The following NPIPB2 variants were observed in gnomAD, a reference collection of about 807,000 sequenced individuals.
The protein encoded by NPIPB2 is nuclear pore complex interacting protein family member B2.
NPIPB2 carries 27 observed loss-of-function variants against 30.8 expected under a neutral mutation model. That is an observed-to-expected ratio of 0.88 (90% CI 0.65 to 1.21). NPIPB2 has a LOEUF of 1.21. NPIPB2 is among the 50% of genes most tolerant of loss of function. The pLI is 0.00. For missense variants in NPIPB2, 440 were observed against 446.2 expected (o/e 0.99, Z 0.13); for synonymous variants, 147 against 162.0 (o/e 0.91, Z 0.70).
At chr16:11,938,842 G>C (rs1402818191) in intron 1 of NPIPB2, among the ~76,000 whole-genome samples, 2 of 151,442 alleles carry the variant, frequency 1.3e-5, no homozygotes, top group African/African-American at 4.9e-5. Context: ...TCCGCCTCCC[G>C]GGTTCAAGCG....
At chr16:11,963,656 T>C (rs2055170824) in intron 1 of NPIPB2, among the ~76,000 whole-genome samples, 1 of 152,190 alleles carries the variant, frequency 6.6e-6, no homozygotes, top group African/African-American at 2.4e-5. Context: ...ATTAGGAGTT[T>C]GCCATTTCCT....
At chr16:11,933,864 G>C (rs2054827362) in exon 3 of NPIPB2, 1 of 1,571,940 alleles carries the variant, frequency 6.4e-7, no homozygotes, top group Non-Finnish European at 8.6e-7. Flanking sequence ...GCTCTCTGCT[G>C]TACATCTGTG....
chr16:11,963,550 T>C (rs1315150372), intron 1 of NPIPB2, among the ~76,000 whole-genome samples: 1 of 152,090 alleles, frequency 6.6e-6, no homozygotes, highest in African/African-American at 2.4e-5. Flanking sequence ...TATCCACCAC[T>C]CAGCTTAATA....
intron 1 of NPIPB2, chr16:11,967,536 G>C: frequency 2.5e-6 from 4 of 1,594,208 alleles, no homozygotes; most frequent in Non-Finnish European, 3.4e-6. Context: ...TCTCTGTGAA[G>C]TTTGGGTTAA....
rs1350930994 is a variant in NPIPB2, at chr16:11,934,619, G to T, written c.193-695C>A. On this transcript the variant is annotated intron_variant, in intron 2 of 7. Coordinates refer to ENST00000399147, the Ensembl canonical transcript of NPIPB2. ...CTCACGCCTGTAATCCCAGCACTTT[G>T]GGAGGCTGAGGTGGGTGAATCACAA... is the stretch of plus-strand genomic sequence containing the variant. Among the ~76,000 whole-genome samples, 3 of 151,626 alleles carry T rather than the reference G, an allele frequency of 2.0e-5. No individual in the cohort carries two copies. In the East Asian group the frequency reaches 5.8e-4, roughly 29 times the overall value.
Position 11,933,816 on chromosome 16 carries a change from G to C in NPIPB2, c.292+9C>G. 6.3e-7 allele frequency: 1 copy of C among 1,589,654 alleles called. No individual in the cohort carries two copies. ...TTTCCACACTATGGGGACTCCAACA[G>C]AGCCATACCTTCCTGTCTACGGCGG... On this transcript the variant is annotated intron_variant, in intron 3 of 7. Coordinates refer to ENST00000399147, the Ensembl canonical transcript of NPIPB2.
chr16:11,942,251 C>T, upstream of NPIPB2: 1 of 602,954 alleles, frequency 1.7e-6, no homozygotes, highest in Non-Finnish European at 2.9e-6. Flanking sequence ...TGTTTCTGAT[C>T]ATATAACTGT....
chr16:11,937,599 T>C (rs1596492434), exon 2 of NPIPB2: 3 of 1,599,554 alleles, frequency 1.9e-6, no homozygotes, highest in African/African-American at 1.3e-5. Flanking sequence ...AATGCAATAA[T>C]GATACGTAAC....
chr16:11,975,200 T>G (rs1372043934), intron 1 of NPIPB2, among the ~76,000 whole-genome samples: 148 of 80,374 alleles, frequency 1.8e-3, no homozygotes, highest in Admixed American at 3.0e-3. Flanking sequence ...CAGGCTGGAG[T>G]GCAGTGGCGG....
intron 1 of NPIPB2, among the ~76,000 whole-genome samples, chr16:11,959,778 A>T (rs978876472): frequency 1.3e-5 from 2 of 151,896 alleles, no homozygotes; most frequent in Admixed American, 6.6e-5. Context: ...TTATTTTTTT[A>T]AATTTTATTT....
chr16:11,932,691 G>A (rs1322759836), intron 4 of NPIPB2, among the ~76,000 whole-genome samples: 8 of 116,702 alleles, frequency 6.9e-5, no homozygotes, highest in Non-Finnish European at 8.6e-5. Flanking sequence ...GATAAGAATC[G>A]CTTGAACCTG....
chr16:11,964,244 C>T (rs2055175957), intron 1 of NPIPB2, among the ~76,000 whole-genome samples: 1 of 151,976 alleles, frequency 6.6e-6, no homozygotes, highest in Admixed American at 6.6e-5. Flanking sequence ...ATCTGCTCAT[C>T]TGTATTTCTA....
At chr16:11,966,411 T>C (rs989095494) in intron 1 of NPIPB2, 2 of 1,488,108 alleles carry the variant, frequency 1.3e-6, no homozygotes, top group African/African-American at 2.8e-5. Context: ...GTTCCTTTTC[T>C]TTTTTTAGCG....
At chr16:11,961,267 A>T (rs2055150851) in intron 1 of NPIPB2, among the ~76,000 whole-genome samples, 2 of 152,106 alleles carry the variant, frequency 1.3e-5, no homozygotes, top group Admixed American at 1.3e-4. Context: ...GAGGGAGTGG[A>T]GCCTCCTGGG....
intron 1 of NPIPB2, among the ~76,000 whole-genome samples, chr16:11,960,843 G>A (rs748134918): frequency 1.3e-5 from 2 of 151,216 alleles, no homozygotes; most frequent in African/African-American, 2.4e-5. Context: ...TTGCTTGACT[G>A]TTATGGGAGA....
chr16:11,958,172 T>C (rs2055126232), intron 1 of NPIPB2, among the ~76,000 whole-genome samples: 2 of 152,126 alleles, frequency 1.3e-5, no homozygotes, highest in Admixed American at 6.6e-5. Context: ...ACTCCTGTAA[T>C]TCCAACACTT....
chr16:11,973,605 T>C (rs931997026), intron 1 of NPIPB2, among the ~76,000 whole-genome samples: 3 of 152,162 alleles, frequency 2.0e-5, no homozygotes, highest in South Asian at 2.1e-4. Flanking sequence ...TTTGTTCTTG[T>C]TGCCCAGGTT....
chr16:11,927,456 C>T (rs763286383), exon 8 of NPIPB2: 2 of 1,126,000 alleles, frequency 1.8e-6, no homozygotes, highest in Admixed American at 3.4e-5. Flanking sequence ...ACCTCAGCGG[C>T]CCTCCGCCTC....
At chr16:11,971,182 A>G (rs571811720) in intron 1 of NPIPB2, among the ~76,000 whole-genome samples, 1 of 152,200 alleles carries the variant, frequency 6.6e-6, no homozygotes, top group Admixed American at 6.6e-5. Flanking sequence ...CATCTGCTAC[A>G]TTGTTGTGTG....
Sources: gnomAD v4.1 joint callset for allele counts (sites outside exome capture counted in the v4.1 genomes callset) on GRCh38, gnomAD v4.1.1 for gene constraint, MANE v1.5 for transcripts, NCBI Gene and HGNC (gene_info 2026-07-23, HGNC 2026-07-21) for gene names.